HMGA2: variants seen among roughly 807,000 people sequenced by gnomAD.
HMGA2 encodes high mobility group protein HMGI-C.
In HMGA2, 8 loss-of-function variants were observed where a neutral mutation model predicts 19.1. The ratio of observed to expected loss-of-function variants is 0.42; its 90% CI spans 0.25 to 0.76. HMGA2 has a LOEUF of 0.76. HMGA2 is among the 30% of genes least tolerant of loss of function. HMGA2 has a pLI of 0.28. For synonymous variants in HMGA2, 60 were observed against 48.8 expected (o/e 1.23, Z -0.96); for missense variants, 109 against 136.3 (o/e 0.80, Z 1.00).
At position 65,901,493 on chromosome 12, in the gene HMGA2, C is replaced by T. The variant is rs141060959; in HGVS notation, c.250-49890C>T. The stretch of plus-strand genomic sequence containing the variant: ...TTTGCTGAAATGAATAGTCACCAAG[C>T]GTTTATTTGTTGTCTGATTTTGTGA... On this transcript the variant is annotated intron_variant, in intron 3 of 4. Transcript: ENST00000403681. Among the ~76,000 whole-genome samples, 271 of 152,124 alleles carry T rather than the reference C, an allele frequency of 1.8e-3. 3 individuals are homozygous for T. The East Asian group carries it at 0.026, about 14-fold the overall frequency.
In HMGA2 at chr12:65,828,069, C is replaced by T. The variant is rs765722130; in HGVS notation, c.180C>T (p.Pro60=). 1.9e-6 allele frequency: 3 copies of T among 1,613,258 alleles called. No individual in the cohort carries two copies. Among genetic ancestry groups the T allele is most frequent in the Non-Finnish European group, 1.7e-6 (2 of 1,179,384 alleles). The change falls in exon 2 of 5, where the codon CCC becomes CCT. Residue 60 remains proline, a synonymous_variant. Coordinates refer to ENST00000403681, the MANE Select transcript of HMGA2 (RefSeq NM_003483.6). ...GRPKGSKNKS[P]SKAAQKKAEA... is the part of the protein sequence containing the mutation. ...CCAAAGGCAGCAAAAACAAGAGTCCCTCTAAAGCAGCTCAAAAGGTGAGAT... is the reference window on the plus strand; with the variant it reads ...CCAAAGGCAGCAAAAACAAGAGTCCTTCTAAAGCAGCTCAAAAGGTGAGAT...
intron 3 of HMGA2, chr12:65,867,086 A>C (rs1872462016): frequency 5.3e-6 from 2 of 377,434 alleles, no homozygotes; most frequent in Non-Finnish European, 1.1e-5. Context: ...CAAGAGGTAC[A>C]TGAGATAACT....
intron 3 of HMGA2, among the ~76,000 whole-genome samples, chr12:65,941,933 A>G (rs1197524615): frequency 6.6e-6 from 1 of 152,234 alleles, no homozygotes; most frequent in Non-Finnish European, 1.5e-5. Context: ...TACATGTTAC[A>G]TGTCAAATTG....
intron 3 of HMGA2, among the ~76,000 whole-genome samples, chr12:65,838,982 C>CTTT (rs761437964): frequency 3.9e-5 from 4 of 103,138 alleles, no homozygotes; most frequent in African/African-American, 2.8e-4. Context: ...TTTTCTTTTT[C>CTTT]TTTCTTTTTC....
chr12:65,950,961 C>T (rs962932907), intron 3 of HMGA2, among the ~76,000 whole-genome samples: 1 of 152,056 alleles, frequency 6.6e-6, no homozygotes, highest in Non-Finnish European at 1.5e-5. Flanking sequence ...TAGGGTGTTG[C>T]TCTGTCACCC....
intron 3 of HMGA2, among the ~76,000 whole-genome samples, chr12:65,848,402 T>A (rs1871314846): frequency 1.3e-5 from 2 of 152,176 alleles, no homozygotes; most frequent in Admixed American, 6.5e-5. Flanking sequence ...ATTACTCTAT[T>A]TGTTTCTTTC....
chr12:65,895,863 C>T (rs1874107215), intron 3 of HMGA2, among the ~76,000 whole-genome samples: 2 of 152,114 alleles, frequency 1.3e-5, no homozygotes, highest in Admixed American at 1.3e-4. Context: ...ATATGCTTTC[C>T]TATTTCCTTG....
intron 3 of HMGA2, among the ~76,000 whole-genome samples, chr12:65,888,917 T>C (rs1401848055): frequency 6.6e-6 from 1 of 151,902 alleles, no homozygotes; most frequent in African/African-American, 2.4e-5. Context: ...GGGACCACCC[T>C]CCCGTTAGAG....
In HMGA2 at chr12:65,905,362, C is replaced by T. The variant is rs115625334; in HGVS notation, c.250-46021C>T. 7.1e-3 allele frequency among the ~76,000 whole-genome samples: 1,079 copies of T among 151,978 alleles called. 12 individuals carry two copies. The highest frequency in any genetic ancestry group is 0.024 in the African/African-American group (1,012 of 41,420). ...GCTTTATTCTGCTTAATTTTGTTTA[C>T]GTGTTTATCAAGCTTCTTGTATGGG... On this transcript the variant is annotated intron_variant, in intron 3 of 4. Transcript: ENST00000403681.
chr12:65,828,416 T>C (rs1870325414), intron 2 of HMGA2: 1 of 307,376 alleles, frequency 3.3e-6, no homozygotes, highest in Admixed American at 4.6e-5. Context: ...TTTGCACCAG[T>C]TGTAAATAGT....
chr12:65,835,083 G>A (rs1413231903), intron 2 of HMGA2, among the ~76,000 whole-genome samples: 2 of 152,176 alleles, frequency 1.3e-5, no homozygotes, highest in African/African-American at 4.8e-5. Flanking sequence ...GCAATAAATA[G>A]TGAGAATTAG....
At chr12:65,891,217 A>T (rs1378846037) in intron 3 of HMGA2, among the ~76,000 whole-genome samples, 1 of 152,214 alleles carries the variant, frequency 6.6e-6, no homozygotes, top group Non-Finnish European at 1.5e-5. Context: ...AATAAGCATT[A>T]TAACTCCAGG....
intron 3 of HMGA2, among the ~76,000 whole-genome samples, chr12:65,931,397 C>T (rs547588123): frequency 6.6e-6 from 1 of 152,120 alleles, no homozygotes; most frequent in East Asian, 1.9e-4. Context: ...TTCTTTACCC[C>T]CTCCCGAAAC....
chr12:65,960,397 C>A (rs1328373338), intron 4 of HMGA2, among the ~76,000 whole-genome samples: 1 of 152,168 alleles, frequency 6.6e-6, no homozygotes, highest in East Asian at 1.9e-4. Context: ...AATGGGTTTT[C>A]CAACCTCATT....
chr12:65,836,635 A>G (rs995136719), intron 2 of HMGA2, among the ~76,000 whole-genome samples: 1 of 152,200 alleles, frequency 6.6e-6, no homozygotes. Flanking sequence ...CTCCCTCTCC[A>G]TGAGGCAATG....
chr12:65,849,760 T>TTTTTTTTTTTTG, intron 3 of HMGA2, among the ~76,000 whole-genome samples: 1 of 137,410 alleles, frequency 7.3e-6, no homozygotes, highest in African/African-American at 2.9e-5. Flanking sequence ...TTTTTTTTTT[T>TTTTTTTTTTTTG]GAGGCTGGAG....
At chr12:65,930,423 C>T (rs1875669434) in intron 3 of HMGA2, among the ~76,000 whole-genome samples, 1 of 152,206 alleles carries the variant, frequency 6.6e-6, no homozygotes, top group African/African-American at 2.4e-5. Flanking sequence ...AGTGGGCTGG[C>T]AGGCAAGCCT....
chr12:65,887,212 G>A lies in HMGA2; in HGVS notation c.249+48643G>A, dbSNP rs150464805. ...CTTGGTTTAAGGCCAGTTCAATGAA[G>A]GCAATGAAAACCTTATCTTGGCTAT... On this transcript the variant is annotated intron_variant, in intron 3 of 4. Coordinates refer to ENST00000403681, the MANE Select transcript of HMGA2 (RefSeq NM_003483.6). 9.9e-3 allele frequency among the ~76,000 whole-genome samples: 1,506 copies of A among 152,270 alleles called. 22 individuals carry two copies. The highest frequency in any genetic ancestry group is 0.015 in the Non-Finnish European group (990 of 68,016).
intron 3 of HMGA2, among the ~76,000 whole-genome samples, chr12:65,875,707 T>G (rs1555183798): frequency 1.4e-5 from 2 of 147,300 alleles, no homozygotes; most frequent in Non-Finnish European, 1.5e-5. Context: ...TGACTCGGCC[T>G]TCCAAGGGGC....
Sources: gnomAD v4.1 joint callset for allele counts (sites outside exome capture counted in the v4.1 genomes callset) on GRCh38, gnomAD v4.1.1 for gene constraint, MANE v1.5 for transcripts, NCBI Gene and HGNC (gene_info 2026-07-23, HGNC 2026-07-21) for gene names.